Variants in PCDHA11 observed in about 807,000 individuals in gnomAD.
The protein encoded by PCDHA11 is protocadherin alpha 11.
In PCDHA11, 61 loss-of-function variants were observed where a neutral mutation model predicts 70.3. That is an observed-to-expected ratio of 0.87 (90% CI 0.71 to 1.07). PCDHA11 has a LOEUF of 1.07. Among genes scored for constraint, PCDHA11 ranks in the 50% least tolerant of loss-of-function variants. The pLI is 0.00. For missense variants in PCDHA11, 1,324 were observed against 1,237.5 expected, an observed-to-expected ratio of 1.07 and a Z score of -1.05; for synonymous variants, 633 against 555.1, an observed-to-expected ratio of 1.14 and a Z score of -1.97.
chr5:140,952,121 C>A (rs993598007), intron 1 of PCDHA11, among the ~76,000 whole-genome samples: 1 of 152,102 alleles, frequency 6.6e-6, no homozygotes, highest in Non-Finnish European at 1.5e-5. Context: ...GGGATGGGCT[C>A]CCAAGGCCTT....
chr5:140,969,403 G>C, intron 1 of PCDHA11: 1 of 1,579,282 alleles, frequency 6.3e-7, no homozygotes, highest in Non-Finnish European at 8.6e-7. Context: ...CCTGTGATTT[G>C]GCTTTATTGA....
chr5:141,001,069 C>T (rs1422093659), intron 3 of PCDHA11, among the ~76,000 whole-genome samples: 15 of 152,106 alleles, frequency 9.9e-5, no homozygotes, highest in African/African-American at 3.1e-4. Flanking sequence ...AAATTAAATA[C>T]ATGCAAAATA....
chr5:140,988,097 C>T (rs2097282934), intron 3 of PCDHA11, among the ~76,000 whole-genome samples: 1 of 152,084 alleles, frequency 6.6e-6, no homozygotes, highest in Admixed American at 6.5e-5. Flanking sequence ...AGCCTCGGGC[C>T]TTGTTGGAGA....
At chr5:140,877,471 G>T (rs2057146762) in intron 1 of PCDHA11, 1 of 1,613,828 alleles carries the variant, frequency 6.2e-7, no homozygotes, top group South Asian at 1.1e-5. Flanking sequence ...CACGGTGCTG[G>T]TGTCGCTGGT....
intron 1 of PCDHA11, chr5:140,882,644 A>G (rs368491324): frequency 1.9e-6 from 3 of 1,614,138 alleles, no homozygotes; most frequent in Admixed American, 1.7e-5. Flanking sequence ...GGTGAGGGAC[A>G]TTAACGACAA....
chr5:140,889,518 ATAT>A (rs2062258374), intron 1 of PCDHA11, among the ~76,000 whole-genome samples: 1 of 151,708 alleles, frequency 6.6e-6, no homozygotes, highest in South Asian at 2.1e-4. Flanking sequence ...TCCATTCTTG[ATAT>A]TATTTTTGCT....
At chr5:140,955,705 T>G (rs1554222053) in intron 1 of PCDHA11, among the ~76,000 whole-genome samples, 1 of 152,232 alleles carries the variant, frequency 6.6e-6, no homozygotes, top group East Asian at 1.9e-4. Context: ...CAATGGAAGT[T>G]TAATAGGAAT....
chr5:140,877,206 C>T (rs782807049), intron 1 of PCDHA11: 3 of 1,613,650 alleles, frequency 1.9e-6, no homozygotes, highest in African/African-American at 2.7e-5. Flanking sequence ...GCGCAGTTAG[C>T]GAGTTGGTAC....
intron 1 of PCDHA11, among the ~76,000 whole-genome samples, chr5:140,914,464 A>T (rs923814955): frequency 5.9e-5 from 9 of 152,130 alleles, no homozygotes; most frequent in Non-Finnish European, 1.3e-4. Flanking sequence ...GTCTATGTGT[A>T]TCTTCATAGG....
At chr5:140,984,228 G>A (rs374551349) in intron 3 of PCDHA11, among the ~76,000 whole-genome samples, 180 of 152,262 alleles carry the variant, frequency 1.2e-3, no homozygotes, top group African/African-American at 4.0e-3. Context: ...TTGCTCTTAT[G>A]GAGGCATTGT....
In PCDHA11 at chr5:140,985,229, G is replaced by T. The variant is rs903728570; in HGVS notation, c.2539+2666G>T. ...TGGGATTACAGGCGTGAGCCACCGC[G>T]CCTGGCCTAATCTTCTTACTCTTTT... On this transcript the variant is annotated intron_variant, in intron 3 of 3. Transcript: ENST00000398640. 3.9e-5 allele frequency among the ~76,000 whole-genome samples: 6 copies of T among 152,216 alleles called. No homozygotes were observed. The South Asian group carries it at 6.2e-4, about 16-fold the overall frequency.
At chr5:140,919,518 T>C (rs1027780107) in intron 1 of PCDHA11, among the ~76,000 whole-genome samples, 1 of 152,194 alleles carries the variant, frequency 6.6e-6, no homozygotes. Context: ...TATGTTTTAA[T>C]TCTCTTTTTT....
chr5:141,005,333 A>T (rs1554260005), intron 3 of PCDHA11, among the ~76,000 whole-genome samples: 1 of 152,224 alleles, frequency 6.6e-6, no homozygotes, highest in Non-Finnish European at 1.5e-5. Flanking sequence ...TAATAGGCCA[A>T]GGGGGTGCTG....
At chr5:140,983,470 A>G (rs782117929) in intron 3 of PCDHA11, among the ~76,000 whole-genome samples, 16 of 152,224 alleles carry the variant, frequency 1.1e-4, no homozygotes, top group Non-Finnish European at 1.5e-4. Context: ...CATCATGATG[A>G]TAATAGTAGT....
intron 1 of PCDHA11, among the ~76,000 whole-genome samples, chr5:140,916,590 G>A (rs1022726274): frequency 2.0e-5 from 3 of 152,182 alleles, no homozygotes; most frequent in Non-Finnish European, 4.4e-5. Flanking sequence ...CCATGAGCTA[G>A]GGCCTGGAAT....
chr5:140,931,952 A>G (rs1159894265), intron 1 of PCDHA11, among the ~76,000 whole-genome samples: 2 of 151,970 alleles, frequency 1.3e-5, no homozygotes, highest in African/African-American at 4.8e-5. Flanking sequence ...AGTCTTACAG[A>G]ATCATGTTGA....
intron 1 of PCDHA11, chr5:140,876,161 T>C (rs1582262337): frequency 6.2e-7 from 1 of 1,613,960 alleles, no homozygotes; most frequent in Non-Finnish European, 8.5e-7. Flanking sequence ...CAGATTCAAA[T>C]AACCGTCCTG....
rs782157769 is a variant in PCDHA11, at chr5:140,877,409, G to T, written c.2391+5915G>T. On this transcript the variant is annotated intron_variant, in intron 1 of 3. Coordinates refer to ENST00000398640, the MANE Select transcript of PCDHA11 (RefSeq NM_018902.5). ...GATGAGGCGGACGCTCCGCGCCACC[G>T]CCTGCTGGTGCTGGTGAAGGACCAC... 11 of 1,613,802 alleles carry T rather than the reference G, an allele frequency of 6.8e-6. No homozygotes were observed. The African/African-American group carries it at 1.3e-4, about 20-fold the overall frequency.
At position 140,998,145 on chromosome 5, in the gene PCDHA11, A is replaced by G. The variant is rs115385085; in HGVS notation, c.2540-11482A>G. ...GAATCATAATAGCTAACCTGTACTG[A>G]ACAGTTAAGCCATGTGCCAAGTATT... On this transcript the variant is annotated intron_variant, in intron 3 of 3. Transcript: ENST00000398640. 2.1e-3 allele frequency among the ~76,000 whole-genome samples: 325 copies of G among 152,342 alleles called. 2 individuals carry two copies. Among genetic ancestry groups the G allele is most frequent in the African/African-American group, 7.1e-3 (294 of 41,566 alleles).
Sources: gnomAD v4.1 joint callset for allele counts (sites outside exome capture counted in the v4.1 genomes callset) on GRCh38, gnomAD v4.1.1 for gene constraint, MANE v1.5 for transcripts, NCBI Gene and HGNC (gene_info 2026-07-23, HGNC 2026-07-21) for gene names.